ZNF695: variants seen among roughly 807,000 people sequenced by gnomAD.
The protein encoded by ZNF695 is zinc finger protein 695.
In ZNF695, 11 loss-of-function variants were observed where a neutral mutation model predicts 11.2. That is an observed-to-expected ratio of 0.98 (90% CI 0.62 to 1.62). The LOEUF (loss-of-function observed/expected upper bound fraction) is 1.62, where lower values mean the gene tolerates loss of function less well. Ranked by LOEUF, ZNF695 falls within the 40% of genes most tolerant of loss-of-function variation. ZNF695 has a pLI of 0.00. For synonymous variants in ZNF695, 190 were observed against 201.4 expected (o/e 0.94, Z 0.48); for missense variants, 559 against 590.5 (o/e 0.95, Z 0.55).
In ZNF695 at chr1:247,007,494, CAAAAAAAA is replaced by C. The variant is rs34758795; in HGVS notation, c.3+404_3+411del. Among the ~76,000 whole-genome samples the C allele has an allele frequency of 1.5e-4, 12 of 79,448 alleles. No individual in the cohort carries two copies. The South Asian group carries it at 6.5e-3, about 43-fold the overall frequency. The allele number at this position is 79,448 out of a possible 152,430, so 52.1% of individuals were successfully genotyped here. On this transcript the variant is annotated intron_variant, in intron 1 of 3. Coordinates refer to ENST00000339986, the MANE Select transcript of ZNF695 (RefSeq NM_020394.5). The stretch of plus-strand genomic sequence containing the variant: ...CTGGCGACAGGGCGAGACTCCGTCT[CAAAAAAAA>C]AAAAAAAAAAAAAGAGGAGAAAGGA...
At chr1:247,003,217 C>A (rs1669441023) in intron 1 of ZNF695, among the ~76,000 whole-genome samples, 1 of 152,178 alleles carries the variant, frequency 6.6e-6, no homozygotes, top group Non-Finnish European at 1.5e-5. Context: ...AACCTACCTG[C>A]CCATCAACAA....
chr1:246,995,651 G>A lies in ZNF695; in HGVS notation c.259+3697C>T, dbSNP rs141073028. On this transcript the variant is annotated intron_variant, in intron 3 of 3. Coordinates refer to ENST00000339986, the MANE Select transcript of ZNF695 (RefSeq NM_020394.5). ...TAAAGACGAGCTTGGCCAACATGGT[G>A]AAACCCCGTCTCTACTAAAAAGACA... 4.0e-3 allele frequency among the ~76,000 whole-genome samples: 614 copies of A among 151,844 alleles called. 4 individuals are homozygous for A. The highest frequency in any genetic ancestry group is 0.034 in the Middle Eastern group (10 of 294).
chr1:246,967,013 ACC>A (rs1668307722), intron 5 of ZNF695, among the ~76,000 whole-genome samples: 1 of 152,250 alleles, frequency 6.6e-6, no homozygotes, highest in East Asian at 1.9e-4. Context: ...ATCTTGGCTC[ACC>A]ACAACCTCCG....
chr1:246,995,180 A>G (rs1026423725), intron 3 of ZNF695, among the ~76,000 whole-genome samples: 2 of 152,164 alleles, frequency 1.3e-5, no homozygotes, highest in African/African-American at 4.8e-5. Context: ...AGGCCACAAA[A>G]CAAGTCTTAA....
At chr1:246,981,761 T>C (rs568828485), downstream of ZNF695, among the ~76,000 whole-genome samples, 42 of 152,162 alleles carry the variant, frequency 2.8e-4, no homozygotes, top group Non-Finnish European at 4.8e-4. Context: ...TTGGCTATTG[T>C]AGAAACACAG....
At chr1:246,990,227 C>G (rs1668990769) in intron 3 of ZNF695, among the ~76,000 whole-genome samples, 1 of 151,520 alleles carries the variant, frequency 6.6e-6, no homozygotes, top group South Asian at 2.1e-4. Flanking sequence ...GACACTTTAC[C>G]TATAAAAACG....
chr1:246,951,205 G>A (rs573622997), intron 5 of ZNF695, among the ~76,000 whole-genome samples: 7 of 151,912 alleles, frequency 4.6e-5, no homozygotes, highest in Middle Eastern at 3.4e-3. Context: ...TCTGTTATGC[G>A]CTGAACTGTG....
At chr1:246,955,127 C>T (rs562467760) in intron 5 of ZNF695, among the ~76,000 whole-genome samples, 1 of 152,292 alleles carries the variant, frequency 6.6e-6, no homozygotes, top group East Asian at 1.9e-4. Flanking sequence ...GAAGATGTGC[C>T]TTTGCTCCTC....
chr1:246,984,757 G>C (rs1035329940), downstream of ZNF695, among the ~76,000 whole-genome samples: 8 of 152,122 alleles, frequency 5.3e-5, no homozygotes, highest in African/African-American at 1.9e-4. Flanking sequence ...TACTAATTAA[G>C]TACAATGAAA....
intron 3 of ZNF695, among the ~76,000 whole-genome samples, chr1:246,998,786 T>G (rs916437355): frequency 6.6e-6 from 1 of 152,106 alleles, no homozygotes; most frequent in Admixed American, 6.5e-5. Flanking sequence ...GCTAACATGG[T>G]GAAACCCTGT....
At position 246,959,303 on chromosome 1, in the gene ZNF695, A is replaced by T. The variant is rs1443807473; in HGVS notation, c.488+8392T>A. On this transcript the variant is annotated intron_variant, in intron 5 of 5. Transcript: ENST00000487338. Reference sequence around the variant, plus strand: ...GTCTCAAAAAAAAAAAAAAAAAAAAAAAAAAAAATATATATATATATATAT... The same window carrying T: ...GTCTCAAAAAAAAAAAAAAAAAAAATAAAAAAAATATATATATATATATAT... Among the ~76,000 whole-genome samples the T allele has an allele frequency of 5.5e-3, 379 of 69,228 alleles. 1 individual carries two copies. Among genetic ancestry groups the T allele is most frequent in the Non-Finnish European group, 9.0e-3 (338 of 37,438 alleles). 45.4% of individuals were successfully genotyped at this position (69,228 alleles called of 152,430 possible).
Position 246,962,710 on chromosome 1 carries a change from T to C in ZNF695, c.488+4985A>G, listed in dbSNP as rs77679820. ...TTGAAACCTTTCTTTTTTTTTTTTT[T>C]GAGACGGAGTCTCGCTCTGTCACCC... On this transcript the variant is annotated intron_variant, in intron 5 of 5. Transcript: ENST00000487338. Among the ~76,000 whole-genome samples, 6 of 151,936 alleles carry C rather than the reference T, an allele frequency of 3.9e-5. No individual in the cohort carries two copies. In the South Asian group the frequency reaches 1.0e-3, roughly 26 times the overall value.
chr1:246,998,829 G>A (rs1348712501), intron 3 of ZNF695, among the ~76,000 whole-genome samples: 2 of 152,138 alleles, frequency 1.3e-5, no homozygotes, highest in East Asian at 3.9e-4. Flanking sequence ...TTGGCTGGGT[G>A]TGGTGGCGTG....
rs1361442154 is a variant in ZNF695, at chr1:246,967,705, GC to G, written c.477del (p.Lys159AsnfsTer?). 5.1e-6 allele frequency: 2 copies of G among 395,356 alleles called. No homozygotes were observed. The highest frequency in any genetic ancestry group is 1.4e-4 in the East Asian group (2 of 13,892). 24.5% of individuals were successfully genotyped at this position (395,356 alleles called of 1,614,324 possible). A position where few individuals can be genotyped will look rare whatever the true frequency, so the allele number is the denominator to read the frequency against. The stretch of plus-strand genomic sequence containing the variant: ...ATTTAATCAACTCACGGTTCTGTGG[GC>G]TTTACATGCTTCTGCTTCTGGGGAG... On this transcript the variant is annotated frameshift_variant, in exon 5 of 6. Transcript: ENST00000487338. LOFTEE classifies it high-confidence loss of function.
At chr1:246,965,595 G>GTC (rs1315608581) in intron 5 of ZNF695, among the ~76,000 whole-genome samples, 1 of 151,858 alleles carries the variant, frequency 6.6e-6, no homozygotes, top group East Asian at 1.9e-4. Flanking sequence ...AAATTAGCCA[G>GTC]GTGTGGTCGT....
intron 5 of ZNF695, among the ~76,000 whole-genome samples, chr1:246,946,876 A>T (rs1185311624): frequency 1.3e-5 from 2 of 152,132 alleles, no homozygotes; most frequent in African/African-American, 4.8e-5. Flanking sequence ...GCGCGGTGGC[A>T]CACGCCTGTA....
At chr1:246,991,912 T>C (rs920521895) in intron 3 of ZNF695, among the ~76,000 whole-genome samples, 2 of 152,150 alleles carry the variant, frequency 1.3e-5, no homozygotes, top group Non-Finnish European at 2.9e-5. Flanking sequence ...GTACTACTTA[T>C]AGGCCGGGCG....
chr1:247,007,494 CAAAAAAA>C (rs34758795), intron 1 of ZNF695, among the ~76,000 whole-genome samples: 2 of 79,468 alleles, frequency 2.5e-5, no homozygotes, highest in Non-Finnish European at 4.7e-5. Flanking sequence ...GACTCCGTCT[CAAAAAAA>C]AAAAAAAAAA....
At chr1:246,962,887 C>T (rs1048312528) in intron 5 of ZNF695, among the ~76,000 whole-genome samples, 5 of 151,974 alleles carry the variant, frequency 3.3e-5, no homozygotes, top group African/African-American at 9.7e-5. Context: ...AGTAGATAAC[C>T]GGGATGGTCT....
Sources: gnomAD v4.1 joint callset for allele counts (sites outside exome capture counted in the v4.1 genomes callset) on GRCh38, gnomAD v4.1.1 for gene constraint, MANE v1.5 for transcripts, NCBI Gene and HGNC (gene_info 2026-07-23, HGNC 2026-07-21) for gene names.